LRP1B: variants seen among roughly 807,000 people sequenced by gnomAD.
LRP1B encodes low-density lipoprotein receptor-related protein 1B.
A neutral mutation model predicts 556.6 loss-of-function variants in LRP1B; 217 were observed. That is an observed-to-expected ratio of 0.39 (90% confidence interval 0.35 to 0.44). The LOEUF (loss-of-function observed/expected upper bound fraction) is 0.44. LRP1B is among the 20% of genes least tolerant of loss of function. LRP1B has a pLI of 1.00. For synonymous variants in LRP1B, 2,047 were observed against 1,865.8 expected, an observed-to-expected ratio of 1.10 and a Z score of -2.50; for missense variants, 5,053 against 5,620.8, an observed-to-expected ratio of 0.90 and a Z score of 3.23.
At chr2:140,938,066 G>A (rs79669781) in intron 20 of LRP1B, among the ~76,000 whole-genome samples, 1 of 151,786 alleles carries the variant, frequency 6.6e-6, no homozygotes, top group Non-Finnish European at 1.5e-5. Context: ...GATGCAATCA[G>A]CTCCTTCCAG....
At chr2:141,592,408 AG>A (rs1687373687) in intron 2 of LRP1B, among the ~76,000 whole-genome samples, 1 of 152,148 alleles carries the variant, frequency 6.6e-6, no homozygotes, top group Admixed American at 6.6e-5. Context: ...ACATGGTATA[AG>A]GGGTTAGCTC....
chr2:140,763,300 G>C (rs1430056678), intron 35 of LRP1B, among the ~76,000 whole-genome samples: 1 of 152,056 alleles, frequency 6.6e-6, no homozygotes, highest in Non-Finnish European at 1.5e-5. Context: ...GAAGAGTGGG[G>C]AGAAAGAGTG....
Position 141,911,943 on chromosome 2 carries a change from T to A in LRP1B, c.83-101542A>T, listed in dbSNP as rs775688403. ...AAATCTCATGAACCCCCTACAAGCA[T>A]GCACCACACACAAATTTATTAGCAA... On this transcript the variant is annotated intron_variant, in intron 1 of 90. Transcript: ENST00000389484. Among the ~76,000 whole-genome samples, 64 of 152,296 alleles carry A rather than the reference T, an allele frequency of 4.2e-4. No individual in the cohort carries two copies. In the Middle Eastern group the frequency reaches 0.017, roughly 40 times the overall value.
At chr2:141,223,406 A>T (rs1683120976) in intron 6 of LRP1B, among the ~76,000 whole-genome samples, 1 of 152,090 alleles carries the variant, frequency 6.6e-6, no homozygotes, top group Admixed American at 6.6e-5. Flanking sequence ...ACAGAAAAAC[A>T]TTTTGTGCTC....
chr2:141,432,676 A>G (rs1284561572), intron 3 of LRP1B, among the ~76,000 whole-genome samples: 1 of 151,888 alleles, frequency 6.6e-6, no homozygotes, highest in East Asian at 1.9e-4. Flanking sequence ...TGTATATTTC[A>G]TCTAATTTGT....
At chr2:140,812,885 A>C (rs1690976631) in intron 32 of LRP1B, among the ~76,000 whole-genome samples, 1 of 152,182 alleles carries the variant, frequency 6.6e-6, no homozygotes, top group Admixed American at 6.5e-5. Context: ...CTCACCTACC[A>C]CAAACTTCAG....
intron 1 of LRP1B, among the ~76,000 whole-genome samples, chr2:141,893,089 C>G (rs909226072): frequency 6.6e-6 from 1 of 152,034 alleles, no homozygotes. Flanking sequence ...CTATTTAAAC[C>G]CTTCTGACTC....
At chr2:141,008,228 A>T in intron 14 of LRP1B, among the ~76,000 whole-genome samples, 1 of 151,470 alleles carries the variant, frequency 6.6e-6, no homozygotes, top group East Asian at 1.9e-4. Context: ...ATGAAAACTT[A>T]TAAGCAATCC....
At chr2:141,494,051 T>C (rs1277740402) in intron 2 of LRP1B, among the ~76,000 whole-genome samples, 1 of 152,156 alleles carries the variant, frequency 6.6e-6, no homozygotes. Context: ...TGGTGGGCCA[T>C]CTTCTGAGAT....
chr2:140,309,230 C>G (rs1228200518), intron 83 of LRP1B, among the ~76,000 whole-genome samples: 1 of 151,442 alleles, frequency 6.6e-6, no homozygotes, highest in South Asian at 2.1e-4. Flanking sequence ...CAAAGCCTGA[C>G]AAAGAAAAAG....
At chr2:141,592,559 C>T (rs1248679087) in intron 2 of LRP1B, among the ~76,000 whole-genome samples, 2 of 152,056 alleles carry the variant, frequency 1.3e-5, no homozygotes, top group East Asian at 3.9e-4. Context: ...CACAGACATT[C>T]CGAAAATAGC....
intron 60 of LRP1B, among the ~76,000 whole-genome samples, chr2:140,458,167 A>C (rs543007454): frequency 6.6e-6 from 1 of 152,166 alleles, no homozygotes; most frequent in Non-Finnish European, 1.5e-5. Flanking sequence ...TTATGAAACT[A>C]CTATAAACCT....
At chr2:140,881,147 GA>G (rs1445998233) in intron 25 of LRP1B, among the ~76,000 whole-genome samples, 1 of 151,950 alleles carries the variant, frequency 6.6e-6, no homozygotes, top group African/African-American at 2.4e-5. Context: ...AGAAATTGGG[GA>G]AAATCTTATG....
chr2:140,373,083 A>G lies in LRP1B; in HGVS notation c.10693T>C (p.Cys3565Arg). 2 of 1,613,402 alleles carry G rather than the reference A, an allele frequency of 1.2e-6. No homozygotes were observed. Among genetic ancestry groups the G allele is most frequent in the Non-Finnish European group, 1.7e-6 (2 of 1,179,574 alleles). ...KDQFRCSNGQ[C>R]IPAKWKCDGH... ...TCACATTTCCATTTTGCTGGTATAC[A>G]CTGACCATTGGAACACCGGAACTGA... The change falls in exon 69 of 91, where the codon TGT becomes CGT. Residue 3565 changes from cysteine to arginine, a missense_variant. Coordinates refer to ENST00000389484, the MANE Select transcript of LRP1B (RefSeq NM_018557.3).
intron 15 of LRP1B, among the ~76,000 whole-genome samples, chr2:141,000,029 C>G (rs1697368573): frequency 6.6e-6 from 1 of 151,976 alleles, no homozygotes; most frequent in Non-Finnish European, 1.5e-5. Flanking sequence ...GAGCCCCTGA[C>G]TCATCCTCCT....
At chr2:141,842,221 T>C (rs1697501238) in intron 1 of LRP1B, among the ~76,000 whole-genome samples, 2 of 152,192 alleles carry the variant, frequency 1.3e-5, no homozygotes, top group South Asian at 4.1e-4. Context: ...ATGATAGATG[T>C]AATTACAGTG....
At chr2:141,276,750 CG>C (rs1212781843) in intron 3 of LRP1B, among the ~76,000 whole-genome samples, 1 of 150,832 alleles carries the variant, frequency 6.6e-6, no homozygotes, top group Non-Finnish European at 1.5e-5. Context: ...TCCGCCTCCC[CG>C]GTTCACGCCA....
intron 66 of LRP1B, among the ~76,000 whole-genome samples, chr2:140,414,711 G>A (rs1012803540): frequency 1.3e-5 from 2 of 152,122 alleles, no homozygotes; most frequent in African/African-American, 2.4e-5. Flanking sequence ...GAGGAGGTAC[G>A]TCACCTCAGG....
Position 140,323,933 on chromosome 2 carries a change from T to A in LRP1B, c.12474A>T (p.Thr4158=), listed in dbSNP as rs775797023. 1 of 1,584,866 alleles carries A rather than the reference T, an allele frequency of 6.3e-7. No individual in the cohort carries two copies. Among genetic ancestry groups the A allele is most frequent in the Non-Finnish European group, 8.7e-7 (1 of 1,154,632 alleles). The part of the protein sequence containing the change: ...VEYLALNIDK[T]KGVLISHRYK... ...AACGATGAGATATCAAAACACCTTT[T>A]GTTTTATCAATATTTAAAGCTAAGT... Residue 4158 remains threonine (T), a synonymous_variant, in exon 81 of 91, where the codon ACA becomes ACT. Transcript: ENST00000389484.
Sources: gnomAD v4.1 joint callset for allele counts (sites outside exome capture counted in the v4.1 genomes callset) on GRCh38, gnomAD v4.1.1 for gene constraint, MANE v1.5 for transcripts, NCBI Gene and HGNC (gene_info 2026-07-23, HGNC 2026-07-21) for gene names.